The following CHST9 variants were observed in gnomAD, a reference collection of about 807,000 sequenced individuals.
CHST9 encodes the protein GalNAc-4-sulfotransferase 2.
CHST9 carries 41 observed loss-of-function variants against 44.4 expected under a neutral mutation model. The observed-to-expected ratio is 0.92, with a 90% CI of 0.72 to 1.20. The LOEUF is 1.20. Among genes scored for constraint, CHST9 ranks in the 50% most tolerant of loss-of-function variants. CHST9 has a pLI of 0.00. For synonymous variants in CHST9, 171 were observed against 178.4 expected (o/e 0.96, Z 0.33); for missense variants, 504 against 516.5 (o/e 0.98, Z 0.23).
chr18:27,087,774 G>A (rs1818224858), intron 2 of CHST9, among the ~76,000 whole-genome samples: 1 of 152,148 alleles, frequency 6.6e-6, no homozygotes, highest in Admixed American at 6.5e-5. Context: ...ACTTCCAGAG[G>A]AAGCTAATGT....
chr18:27,146,405 G>A (rs2058612703), intron 1 of CHST9, among the ~76,000 whole-genome samples: 1 of 152,150 alleles, frequency 6.6e-6, no homozygotes, highest in African/African-American at 2.4e-5. Flanking sequence ...GTTAGGAAAT[G>A]GCTCTCATTA....
intron 5 of CHST9, among the ~76,000 whole-genome samples, chr18:26,943,333 T>C (rs1257656231): frequency 6.6e-6 from 1 of 152,238 alleles, no homozygotes; most frequent in Admixed American, 6.5e-5. Context: ...GAAAGCTTGA[T>C]GAGTTACAGG....
At chr18:26,997,372 T>C (rs2056898619) in intron 4 of CHST9, among the ~76,000 whole-genome samples, 1 of 152,206 alleles carries the variant, frequency 6.6e-6, no homozygotes, top group African/African-American at 2.4e-5. Context: ...TAAACACAAT[T>C]AGTATAATGT....
intron 2 of CHST9, among the ~76,000 whole-genome samples, chr18:27,096,970 T>C (rs933270172): frequency 1.3e-5 from 2 of 151,474 alleles, no homozygotes; most frequent in Non-Finnish European, 1.5e-5. Flanking sequence ...AAAGAAACAA[T>C]GAAAAAAGAA....
At chr18:26,945,633 T>A (rs765767091) in intron 4 of CHST9, among the ~76,000 whole-genome samples, 2 of 152,230 alleles carry the variant, frequency 1.3e-5, no homozygotes, top group Non-Finnish European at 2.9e-5. Context: ...TTCTGTGGTA[T>A]GGATGTGCCA....
At chr18:27,078,522 A>G (rs1335846206) in intron 2 of CHST9, among the ~76,000 whole-genome samples, 1 of 152,176 alleles carries the variant, frequency 6.6e-6, no homozygotes, top group Non-Finnish European at 1.5e-5. Context: ...TAAACCTTAA[A>G]AACATCTTAA....
At chr18:27,150,048 A>G (rs772561581) in intron 1 of CHST9, among the ~76,000 whole-genome samples, 4 of 151,010 alleles carry the variant, frequency 2.6e-5, no homozygotes, top group African/African-American at 7.3e-5. Flanking sequence ...CATTAGATTT[A>G]TTTCTTTATT....
At chr18:26,939,538 G>C (rs1417962196) in intron 5 of CHST9, among the ~76,000 whole-genome samples, 1 of 152,172 alleles carries the variant, frequency 6.6e-6, no homozygotes, top group African/African-American at 2.4e-5. Flanking sequence ...ACATTTGTGG[G>C]GCCTAGAGCA....
At chr18:26,924,504 G>T in intron 5 of CHST9, 3 of 434,080 alleles carry the variant, frequency 6.9e-6, no homozygotes, top group Non-Finnish European at 9.2e-6. Flanking sequence ...CATGGGCCTT[G>T]AAGGCACTGC....
intron 5 of CHST9, among the ~76,000 whole-genome samples, chr18:26,941,719 C>G (rs945648402): frequency 1.3e-5 from 2 of 152,116 alleles, no homozygotes; most frequent in South Asian, 4.1e-4. Flanking sequence ...GTCCTGTTCT[C>G]GTAAACAAGC....
At chr18:27,085,036 T>G (rs917102955) in intron 2 of CHST9, among the ~76,000 whole-genome samples, 2 of 152,112 alleles carry the variant, frequency 1.3e-5, no homozygotes, top group Non-Finnish European at 2.9e-5. Context: ...GGTTCTTATC[T>G]TATTGGGAAT....
Position 27,081,759 on chromosome 18 carries a change from G to C in CHST9, c.122-33256C>G, listed in dbSNP as rs144415642. The stretch of plus-strand genomic sequence containing the variant: ...CCTGGAATGAAAAAAATGTTACAAA[G>C]CAGCTTAAAAATACTGGGCATAGCC... On this transcript the variant is annotated intron_variant, in intron 2 of 5. Transcript: ENST00000618847. Among the ~76,000 whole-genome samples, 56 of 152,250 alleles carry C rather than the reference G, an allele frequency of 3.7e-4. No homozygotes were observed. In the East Asian group the frequency reaches 5.0e-3, roughly 14 times the overall value.
At chr18:27,184,506 C>G (rs1479320174) in intron 1 of CHST9, among the ~76,000 whole-genome samples, 1 of 152,098 alleles carries the variant, frequency 6.6e-6, no homozygotes, top group East Asian at 1.9e-4. Flanking sequence ...AGCCCCTCCT[C>G]AGATCGCCCC....
At position 27,164,597 on chromosome 18, in the gene CHST9, T is replaced by C. The variant is rs76555600; in HGVS notation, c.-97+20539A>G. ...CAGGGAACTGAAAAACATGAGTTTC[T>C]AGATCTAAAGAGATCACTCTGAGTA... is the stretch of plus-strand genomic sequence containing the variant. On this transcript the variant is annotated intron_variant, in intron 1 of 5. Transcript: ENST00000618847. Among the ~76,000 whole-genome samples, 329 of 152,294 alleles carry C rather than the reference T, an allele frequency of 2.2e-3. 2 individuals carry two copies. The highest frequency in any genetic ancestry group is 7.6e-3 in the African/African-American group (314 of 41,574).
chr18:27,093,782 C>G (rs2058091241), intron 2 of CHST9, among the ~76,000 whole-genome samples: 1 of 152,170 alleles, frequency 6.6e-6, no homozygotes, highest in Non-Finnish European at 1.5e-5. Context: ...TGAAATGAAC[C>G]AGGTACCTCA....
intron 4 of CHST9, among the ~76,000 whole-genome samples, chr18:27,022,714 A>G (rs2057240060): frequency 6.6e-6 from 1 of 152,230 alleles, no homozygotes; most frequent in Non-Finnish European, 1.5e-5. Flanking sequence ...TTCATTCTTT[A>G]AAGAATCAGT....
chr18:27,142,394 A>G (rs970827163), intron 2 of CHST9, among the ~76,000 whole-genome samples: 6 of 152,220 alleles, frequency 3.9e-5, no homozygotes, highest in African/African-American at 1.4e-4. Context: ...GAAGTAGGAT[A>G]AATGCTATAC....
chr18:26,994,578 T>C (rs2145214370), intron 4 of CHST9, among the ~76,000 whole-genome samples: 1 of 152,248 alleles, frequency 6.6e-6, no homozygotes, highest in Middle Eastern at 3.4e-3. Flanking sequence ...GGGCTGGATT[T>C]ATTGATTCTT....
intron 2 of CHST9, among the ~76,000 whole-genome samples, chr18:27,099,352 C>T (rs1242313899): frequency 7.9e-5 from 12 of 152,052 alleles, no homozygotes. Context: ...CCTAATTAAA[C>T]TAAAGAGCTT....
Sources: allele counts gnomAD v4.1 joint callset (sites outside exome capture counted in the v4.1 genomes callset), GRCh38; gene constraint gnomAD v4.1.1; transcripts MANE v1.5; gene names NCBI Gene and HGNC (gene_info 2026-07-23, HGNC 2026-07-21).